GALNT13: variants seen among roughly 807,000 people sequenced by gnomAD.
GALNT13 encodes UDP-GalNAc:polypeptide N-acetylgalactosaminyltransferase 13.
Under a neutral mutation model 64.2 loss-of-function variants are expected in GALNT13, and 28 were observed. That is an observed-to-expected ratio of 0.44 (90% CI 0.32 to 0.60). GALNT13 has a LOEUF of 0.60. Ranked by LOEUF, GALNT13 falls within the 20% of genes least tolerant of loss-of-function variation. GALNT13 has a pLI of 0.05. For missense variants in GALNT13, 577 were observed against 669.8 expected, an observed-to-expected ratio of 0.86 and a Z score of 1.53; for synonymous variants, 214 against 224.6, an observed-to-expected ratio of 0.95 and a Z score of 0.42.
At chr2:153,165,347 G>A in the GALNT13 span, among the ~76,000 whole-genome samples, 1 of 152,272 alleles carries the variant, frequency 6.6e-6, no homozygotes, top group South Asian at 2.1e-4. Context: ...TCTGTAAAAT[G>A]TTTGCATTTC....
Position 154,366,158 on chromosome 2 carries a change from C to A in GALNT13, c.1157-29833C>A, listed in dbSNP as rs150912457. Among the ~76,000 whole-genome samples the A allele has an allele frequency of 5.2e-3, 795 of 152,238 alleles. 6 individuals are homozygous for A. The highest frequency in any genetic ancestry group is 0.017 in the African/African-American group (725 of 41,560). On this transcript the variant is annotated intron_variant, in intron 9 of 12. Transcript: ENST00000392825. Reference sequence around the variant, plus strand: ...TTAGGAAAGATTTAGTGTCATATCACAGCCAGTTATTCTCTTTTCTTCTTC... The same window carrying A: ...TTAGGAAAGATTTAGTGTCATATCAAAGCCAGTTATTCTCTTTTCTTCTTC...
chr2:153,724,202 G>A, the GALNT13 span, among the ~76,000 whole-genome samples: 9 of 142,756 alleles, frequency 6.3e-5, no homozygotes, highest in Non-Finnish European at 1.0e-4. Context: ...CAAGCAATGG[G>A]GAAAGGATTC....
chr2:154,124,460 G>T (rs1019479310), intron 3 of GALNT13, among the ~76,000 whole-genome samples: 2 of 152,008 alleles, frequency 1.3e-5, no homozygotes, highest in Non-Finnish European at 2.9e-5. Flanking sequence ...CCAGTATTAA[G>T]TGGACTTCAT....
At chr2:153,208,778 A>T in the GALNT13 span, among the ~76,000 whole-genome samples, 8 of 152,108 alleles carry the variant, frequency 5.3e-5, no homozygotes, top group African/African-American at 1.9e-4. Flanking sequence ...GCAACATATG[A>T]GGGCTCTAGT....
At chr2:153,523,690 T>G in the GALNT13 span, among the ~76,000 whole-genome samples, 1 of 152,206 alleles carries the variant, frequency 6.6e-6, no homozygotes, top group African/African-American at 2.4e-5. Context: ...TGTAATCACT[T>G]ACCAGTTTCA....
chr2:153,921,245 GAATA>G (rs1453366563), intron 2 of GALNT13, among the ~76,000 whole-genome samples: 1 of 152,076 alleles, frequency 6.6e-6, no homozygotes, highest in Non-Finnish European at 1.5e-5. Context: ...ATGGTAGACT[GAATA>G]AATAAAATAT....
the GALNT13 span, among the ~76,000 whole-genome samples, chr2:153,588,869 A>G: frequency 3.9e-5 from 6 of 152,188 alleles, no homozygotes; most frequent in Non-Finnish European, 8.8e-5. Context: ...TTTGCTGCTT[A>G]GAAATTTCTT....
the GALNT13 span, among the ~76,000 whole-genome samples, chr2:153,802,531 G>T: frequency 6.6e-6 from 1 of 152,124 alleles, no homozygotes; most frequent in Non-Finnish European, 1.5e-5. Context: ...TCCAGGCTCT[G>T]CTCACTCTGC....
the GALNT13 span, among the ~76,000 whole-genome samples, chr2:153,678,088 T>A: frequency 6.6e-6 from 1 of 150,434 alleles, no homozygotes; most frequent in East Asian, 2.0e-4. Context: ...CAAAAGAAAC[T>A]CTCAACACAG....
chr2:154,456,191 T>TTTGTTTTGTTGTTGTTG (rs1553537507), downstream of GALNT13, among the ~76,000 whole-genome samples: 1 of 146,296 alleles, frequency 6.8e-6, no homozygotes, highest in Non-Finnish European at 1.5e-5. Context: ...TTTGTTTTGT[T>TTTGTTTTGTTGTTGTTG]TTGTTGTTGT....
chr2:153,865,002 G>A, the GALNT13 span, among the ~76,000 whole-genome samples: 4 of 149,444 alleles, frequency 2.7e-5, no homozygotes, highest in South Asian at 4.3e-4. Flanking sequence ...CAGAAATAAC[G>A]CCGCCTACCT....
At chr2:153,801,797 A>G in the GALNT13 span, among the ~76,000 whole-genome samples, 5 of 152,168 alleles carry the variant, frequency 3.3e-5, no homozygotes, top group Non-Finnish European at 2.9e-5. Context: ...ACAATATCTG[A>G]AAAGCATAAT....
intron 8 of GALNT13, among the ~76,000 whole-genome samples, chr2:154,271,191 A>C (rs553646802): frequency 6.6e-6 from 1 of 152,062 alleles, no homozygotes; most frequent in South Asian, 2.1e-4. Flanking sequence ...ATTTGCTTGG[A>C]TACAACTTGG....
chr2:154,212,715 C>T (rs1057400174), intron 4 of GALNT13, among the ~76,000 whole-genome samples: 4 of 151,966 alleles, frequency 2.6e-5, no homozygotes, highest in Admixed American at 6.6e-5. Flanking sequence ...CTTCTTCCCC[C>T]CATCCTTCTT....
chr2:153,618,319 T>C, the GALNT13 span, among the ~76,000 whole-genome samples: 10 of 152,104 alleles, frequency 6.6e-5, no homozygotes, highest in African/African-American at 2.2e-4. Flanking sequence ...TTTCCATGTA[T>C]TTGTATAGTT....
rs567408527 is a variant in GALNT13, at chr2:154,001,651, T to C, written c.142+57012T>C. 2.0e-5 allele frequency among the ~76,000 whole-genome samples: 3 copies of C among 152,166 alleles called. No individual in the cohort carries two copies. The East Asian group carries it at 5.8e-4, about 29-fold the overall frequency. On this transcript the variant is annotated intron_variant, in intron 3 of 12. Transcript: ENST00000392825. ...TCTTAAACAATTATGGTAGCTATTA[T>C]AATTAATAATTTTTGTTTTAGTCTT...
chr2:154,353,411 T>A (rs1365765741), intron 9 of GALNT13, among the ~76,000 whole-genome samples: 1 of 152,186 alleles, frequency 6.6e-6, no homozygotes, highest in Non-Finnish European at 1.5e-5. Flanking sequence ...CTCACATAGT[T>A]ACGTGTGTGT....
At chr2:153,972,872 T>C (rs1574240393) in intron 3 of GALNT13, among the ~76,000 whole-genome samples, 1 of 152,038 alleles carries the variant, frequency 6.6e-6, no homozygotes, top group African/African-American at 2.4e-5. Context: ...ATTTGTGTTA[T>C]GTAACACTTT....
At chr2:153,931,493 A>G (rs898047159) in intron 2 of GALNT13, among the ~76,000 whole-genome samples, 2 of 151,890 alleles carry the variant, frequency 1.3e-5, no homozygotes, top group African/African-American at 4.8e-5. Context: ...CGGTTTTGTC[A>G]TAGGTGGCTC....
Sources: gnomAD v4.1 joint callset for allele counts (sites outside exome capture counted in the v4.1 genomes callset) on GRCh38, gnomAD v4.1.1 for gene constraint, MANE v1.5 for transcripts, NCBI Gene and HGNC (gene_info 2026-07-23, HGNC 2026-07-21) for gene names.